The following LEPROTL1 variants were observed in gnomAD, a reference collection of about 807,000 sequenced individuals.
The protein encoded by LEPROTL1 is leptin receptor overlapping transcript-like 1.
LEPROTL1 carries 6 observed loss-of-function variants against 15.4 expected under a neutral mutation model. The observed-to-expected ratio is 0.39, with a 90% confidence interval of 0.21 to 0.77. LEPROTL1 has a LOEUF of 0.77. Among genes scored for constraint, LEPROTL1 ranks in the 30% least tolerant of loss-of-function variants. The pLI is 0.41. For missense variants in LEPROTL1, 128 were observed against 158.1 expected, an observed-to-expected ratio of 0.81 and a Z score of 1.02; for synonymous variants, 56 against 52.6, an observed-to-expected ratio of 1.06 and a Z score of -0.28.
chr8:30,126,182 A>G (rs1802902615), intron 3 of LEPROTL1, among the ~76,000 whole-genome samples: 1 of 152,192 alleles, frequency 6.6e-6, no homozygotes, highest in African/African-American at 2.4e-5. Flanking sequence ...AGTTCCTAAC[A>G]GGCTGTGGAT....
chr8:30,118,964 C>T (rs1802784108), intron 3 of LEPROTL1, among the ~76,000 whole-genome samples: 1 of 152,188 alleles, frequency 6.6e-6, no homozygotes, highest in Non-Finnish European at 1.5e-5. Flanking sequence ...TCAGCACAGA[C>T]CATTCATGGG....
chr8:30,121,537 A>C (rs1284888922), intron 3 of LEPROTL1, among the ~76,000 whole-genome samples: 2 of 152,198 alleles, frequency 1.3e-5, no homozygotes, highest in Non-Finnish European at 2.9e-5. Flanking sequence ...TACAGGTGTG[A>C]GCCATCACGC....
chr8:30,116,239 T>TA lies in LEPROTL1; in HGVS notation c.279+11765dup, dbSNP rs535084287. Among the ~76,000 whole-genome samples, 1,153 of 146,408 alleles carry TA rather than the reference T, an allele frequency of 7.9e-3. 9 individuals carry two copies. The highest frequency in any genetic ancestry group is 0.024 in the African/African-American group (950 of 40,200). ...TGGGTGACAGAGTGAGACCCTGTCT[T>TA]AAAAAAAAAAAATTGGTTGCTACCC... is the stretch of plus-strand genomic sequence containing the variant. On this transcript the variant is annotated intron_variant, in intron 3 of 4. Coordinates refer to the LEPROTL1 transcript ENST00000442880.
intron 3 of LEPROTL1, 142 bp from the exon 4 acceptor site, chr8:30,105,602 GTA>G (rs1802551294): frequency 3.8e-6 from 1 of 266,308 alleles, no homozygotes; most frequent in African/African-American, 2.6e-5. Flanking sequence ...ATATTTATAA[GTA>G]TGTGTTCAGC....
chr8:30,135,021 A>C (rs1803108918), intron 4 of LEPROTL1, among the ~76,000 whole-genome samples: 1 of 150,428 alleles, frequency 6.6e-6, no homozygotes, highest in South Asian at 2.1e-4. Context: ...CTGGAACTTC[A>C]GACATGCGCT....
chr8:30,127,131 A>G (rs1243677578), intron 3 of LEPROTL1, among the ~76,000 whole-genome samples: 1 of 152,178 alleles, frequency 6.6e-6, no homozygotes, highest in African/African-American at 2.4e-5. Context: ...TCAATCTATA[A>G]ATAATGAAGG....
At chr8:30,100,565 T>G (rs1802449537) in intron 1 of LEPROTL1, among the ~76,000 whole-genome samples, 1 of 152,218 alleles carries the variant, frequency 6.6e-6, no homozygotes, top group South Asian at 2.1e-4. Context: ...TTCTCCTGCC[T>G]CAGCCTCCCA....
At chr8:30,119,834 C>T (rs953273596) in intron 3 of LEPROTL1, among the ~76,000 whole-genome samples, 13 of 152,062 alleles carry the variant, frequency 8.5e-5, no homozygotes, top group Non-Finnish European at 1.6e-4. Context: ...TTTGGGAGGC[C>T]GAGGTAGGTG....
intron 1 of LEPROTL1, among the ~76,000 whole-genome samples, chr8:30,100,226 T>C (rs1057123971): frequency 4.6e-5 from 7 of 152,140 alleles, no homozygotes; most frequent in African/African-American, 1.4e-4. Context: ...TTGTGCAGAG[T>C]ATATCAGTAG....
intron 1 of LEPROTL1, among the ~76,000 whole-genome samples, chr8:30,097,829 A>G: frequency 6.6e-6 from 1 of 151,732 alleles, no homozygotes; most frequent in African/African-American, 2.4e-5. Context: ...ACAATAAGAC[A>G]ATCTTGGTTT....
chr8:30,100,760 C>A (rs184253086), intron 1 of LEPROTL1, among the ~76,000 whole-genome samples: 33 of 152,226 alleles, frequency 2.2e-4, no homozygotes, highest in Non-Finnish European at 4.4e-4. Context: ...TCATTTATTT[C>A]TTTGCTTTAG....
chr8:30,096,482 G>GTT, intron 1 of LEPROTL1: 6 of 721,708 alleles, frequency 8.3e-6, no homozygotes, highest in Non-Finnish European at 1.0e-5. Context: ...ACTTAATCGA[G>GTT]TTTTTTTTCA....
At chr8:30,105,586 C>T (rs892619419) in intron 3 of LEPROTL1, among the ~76,000 whole-genome samples, 160 bp from the exon 4 acceptor site, 43 of 147,374 alleles carry the variant, frequency 2.9e-4, no homozygotes, top group Non-Finnish European at 6.0e-4. Flanking sequence ...TATATTTATA[C>T]TATATATATT....
chr8:30,101,110 GT>G (rs1802458961), intron 1 of LEPROTL1, among the ~76,000 whole-genome samples: 1 of 152,178 alleles, frequency 6.6e-6, no homozygotes, highest in Non-Finnish European at 1.5e-5. Flanking sequence ...TTTCTGGTCA[GT>G]TTTATGCACA....
intron 3 of LEPROTL1, chr8:30,131,957 G>T: frequency 6.5e-7 from 1 of 1,547,866 alleles, no homozygotes; most frequent in Non-Finnish European, 8.7e-7. Context: ...TTACATTTGT[G>T]CTTTCTCTTC....
At chr8:30,132,869 G>A in intron 4 of LEPROTL1, 1 of 1,543,742 alleles carries the variant, frequency 6.5e-7, no homozygotes. Context: ...GTGACCCTCT[G>A]GGTCAAGAGC....
intron 3 of LEPROTL1, chr8:30,104,805 C>T (rs867342869): frequency 9.4e-5 from 16 of 170,564 alleles, no homozygotes; most frequent in Middle Eastern, 5.2e-3. Context: ...CTCTGCCTCC[C>T]GGGTTCACGC....
chr8:30,132,918 T>G (rs1217673391), intron 4 of LEPROTL1: 6 of 1,495,492 alleles, frequency 4.0e-6, no homozygotes, highest in Non-Finnish European at 5.3e-6. Flanking sequence ...TGCAAGATAA[T>G]TTTTTAAAGA....
Position 30,129,715 on chromosome 8 carries a change from A to T in LEPROTL1, c.280-2660A>T, listed in dbSNP as rs148947636. On this transcript the variant is annotated intron_variant, in intron 3 of 4. Transcript: ENST00000442880. ...GGGTGACAGAGTGAGACCCTGTCAC[A>T]CACACACACACACACACACACACAC... Among the ~76,000 whole-genome samples, 1,158 of 118,176 alleles carry T rather than the reference A, an allele frequency of 9.8e-3. 17 individuals are homozygous for T. Among genetic ancestry groups the T allele is most frequent in the African/African-American group, 0.045 (1,107 of 24,556 alleles). 77.5% of individuals were successfully genotyped at this position (118,176 alleles called of 152,430 possible).
Sources: allele counts gnomAD v4.1 joint callset (sites outside exome capture counted in the v4.1 genomes callset), GRCh38; gene constraint gnomAD v4.1.1; transcripts MANE v1.5; gene names NCBI Gene and HGNC (gene_info 2026-07-23, HGNC 2026-07-21).